ZSCAN25: variants seen among roughly 807,000 people sequenced by gnomAD.
ZSCAN25 encodes zinc finger and SCAN domain containing 25.
Under a neutral mutation model 38.7 loss-of-function variants are expected in ZSCAN25, and 27 were observed. That is an observed-to-expected ratio of 0.70 (90% CI 0.51 to 0.96). ZSCAN25 has a LOEUF of 0.96. Ranked by LOEUF, ZSCAN25 falls within the 40% of genes least tolerant of loss-of-function variation. The probability of loss-of-function intolerance (pLI) is 0.00; values close to 1 mark genes in which losing one functional copy is unlikely to be tolerated. For missense variants in ZSCAN25, 637 were observed against 705.9 expected (o/e 0.90, Z 1.11); for synonymous variants, 273 against 277.7 (o/e 0.98, Z 0.17).
At chr7:99,652,769 G>T in the ZSCAN25 span, 3 of 1,612,352 alleles carry the variant, frequency 1.9e-6, no homozygotes, top group Non-Finnish European at 2.5e-6. Context: ...GGCATCATAG[G>T]TAGGTGGTGC....
chr7:99,681,385 C>T, the ZSCAN25 span, among the ~76,000 whole-genome samples: 1 of 152,164 alleles, frequency 6.6e-6, no homozygotes, highest in African/African-American at 2.4e-5. Flanking sequence ...TTTGAGGAAC[C>T]TCCAAATTGT....
chr7:99,647,418 T>G, the ZSCAN25 span: 4 of 853,408 alleles, frequency 4.7e-6, no homozygotes, highest in Non-Finnish European at 1.4e-6. Flanking sequence ...AAATGAATAG[T>G]GCTTTTAGAC....
chr7:99,710,190 G>A, the ZSCAN25 span, among the ~76,000 whole-genome samples: 1 of 152,176 alleles, frequency 6.6e-6, no homozygotes, highest in Non-Finnish European at 1.5e-5. Context: ...TGGTTGATAG[G>A]CACCTAGTAC....
Position 99,619,968 on chromosome 7 carries a change from C to G in ZSCAN25, c.362C>G (p.Thr121Arg), listed in dbSNP as rs1445865153. Reference sequence around the variant, plus strand: ...CTGGCCGCCATGGTGGAGGACCTGACAGAAAGAGCACTGGAGGCCAAGGCG... The same window carrying G: ...CTGGCCGCCATGGTGGAGGACCTGAGAGAAAGAGCACTGGAGGCCAAGGCG... ...KALAAMVEDL[T>R]ERALEAKAVP... Residue 121 changes from threonine to arginine, a missense_variant, in exon 4 of 8, where the codon ACA (threonine) becomes AGA (arginine). Transcript: ENST00000394152. 6.2e-7 allele frequency: 1 copy of G among 1,613,608 alleles called. No individual in the cohort carries two copies. The highest frequency in any genetic ancestry group is 8.5e-7 in the Non-Finnish European group (1 of 1,179,958).
At chr7:99,679,128 C>G in the ZSCAN25 span, among the ~76,000 whole-genome samples, 2 of 152,132 alleles carry the variant, frequency 1.3e-5, no homozygotes, top group African/African-American at 2.4e-5. Flanking sequence ...AATAAATCCT[C>G]GAAACTTCCT....
At chr7:99,674,655 T>A in the ZSCAN25 span, 2 of 1,312,898 alleles carry the variant, frequency 1.5e-6, no homozygotes, top group African/African-American at 1.5e-5. Context: ...TAATTGGGGC[T>A]GAAAACAGTT....
chr7:99,699,191 A>G, the ZSCAN25 span, among the ~76,000 whole-genome samples: 4 of 152,250 alleles, frequency 2.6e-5, no homozygotes, highest in Non-Finnish European at 4.4e-5. Context: ...GCTGAGAAAC[A>G]AAGCTCTATA....
chr7:99,627,897 T>C (rs1807633832), intron 7 of ZSCAN25, among the ~76,000 whole-genome samples: 1 of 152,076 alleles, frequency 6.6e-6, no homozygotes, highest in Non-Finnish European at 1.5e-5. Context: ...AAGGGGCTTC[T>C]AGGGACTGGT....
chr7:99,692,149 T>G, the ZSCAN25 span, among the ~76,000 whole-genome samples: 2 of 152,208 alleles, frequency 1.3e-5, no homozygotes, highest in Non-Finnish European at 2.9e-5. Flanking sequence ...CTCCTTCACT[T>G]ATGAAGCTTA....
the ZSCAN25 span, chr7:99,659,489 G>A: frequency 6.5e-6 from 1 of 154,292 alleles, no homozygotes; most frequent in African/African-American, 2.4e-5. Context: ...GCCCCTACTG[G>A]GGGGTGCCTC....
the ZSCAN25 span, chr7:99,679,832 A>G: frequency 1.2e-6 from 2 of 1,614,156 alleles, no homozygotes; most frequent in Non-Finnish European, 1.7e-6. Flanking sequence ...TCACAGATAG[A>G]GGAGCACCAG....
chr7:99,665,221 C>T, the ZSCAN25 span: 8 of 1,613,850 alleles, frequency 5.0e-6, no homozygotes, highest in Non-Finnish European at 6.8e-6. Context: ...TCTTAGTGCT[C>T]TCCACAAAGG....
At chr7:99,705,670 A>T in the ZSCAN25 span, 1 of 1,554,970 alleles carries the variant, frequency 6.4e-7, no homozygotes, top group East Asian at 2.3e-5. Flanking sequence ...AAAGTAAAAA[A>T]AAATTACTGA....
the ZSCAN25 span, among the ~76,000 whole-genome samples, chr7:99,713,261 A>G: frequency 4.7e-3 from 714 of 152,284 alleles, 5 homozygotes; most frequent in African/African-American, 0.016. Flanking sequence ...AGTTTTCCTT[A>G]GGGTTGCCCT....
the ZSCAN25 span, among the ~76,000 whole-genome samples, chr7:99,687,458 G>C: frequency 1.3e-5 from 2 of 152,130 alleles, no homozygotes; most frequent in Non-Finnish European, 2.9e-5. Context: ...AAAGCGAGAA[G>C]GGAAGTTTAG....
the ZSCAN25 span, chr7:99,722,331 G>A: frequency 6.2e-7 from 1 of 1,613,532 alleles, no homozygotes; most frequent in South Asian, 1.1e-5. Flanking sequence ...AACATTCCAT[G>A]TCAAACGTCC....
chr7:99,709,187 G>T, the ZSCAN25 span: 2 of 1,613,984 alleles, frequency 1.2e-6, no homozygotes, highest in Non-Finnish European at 1.7e-6. Flanking sequence ...TAGCAACTGG[G>T]AATAATCTGA....
At chr7:99,664,114 A>G in the ZSCAN25 span, 1,789 of 1,544,392 alleles carry the variant, frequency 1.2e-3, 14 homozygotes, top group African/African-American at 0.022. Context: ...AAAACAAAAC[A>G]AACAAAAGGA....
At chr7:99,707,497 C>T in the ZSCAN25 span, among the ~76,000 whole-genome samples, 1 of 152,140 alleles carries the variant, frequency 6.6e-6, no homozygotes, top group Non-Finnish European at 1.5e-5. Context: ...ATAAGTGCAC[C>T]TCATGATTGT....
Sources: gnomAD v4.1 joint callset for allele counts (sites outside exome capture counted in the v4.1 genomes callset) on GRCh38, gnomAD v4.1.1 for gene constraint, MANE v1.5 for transcripts, NCBI Gene and HGNC (gene_info 2026-07-23, HGNC 2026-07-21) for gene names.